AXIN1: variants seen among roughly 807,000 people sequenced by gnomAD.
AXIN1 encodes the protein axin-1.
Under a neutral mutation model 76.4 loss-of-function variants are expected in AXIN1, and 30 were observed. The ratio of observed to expected loss-of-function variants is 0.39; its 90% confidence interval spans 0.29 to 0.53. The LOEUF (loss-of-function observed/expected upper bound fraction) is 0.53, where lower values mean the gene tolerates loss of function less well. AXIN1 is among the 20% of genes least tolerant of loss of function. AXIN1 has a pLI of 0.66. For missense variants in AXIN1, 1,140 were observed against 1,198.8 expected (o/e 0.95, Z 0.72); for synonymous variants, 545 against 501.4 (o/e 1.09, Z -1.16).
In AXIN1 at chr16:287,969, C is replaced by T; in HGVS notation, c.*153G>A. 3.0e-6 allele frequency: 4 copies of T among 1,330,556 alleles called. No individual in the cohort carries two copies. Among genetic ancestry groups the T allele is most frequent in the Non-Finnish European group, 4.2e-6 (4 of 942,150 alleles). 82.4% of individuals were successfully genotyped at this position (1,330,556 alleles called of 1,614,324 possible). ...CTTGTGGACCACTTGGAGGGACCCC[C>T]TACCTGCCTCTAGACACGGGTAGAC... On this transcript the variant is annotated 3_prime_UTR_variant, in exon 11 of 11. Transcript: ENST00000262320.
At chr16:310,301 C>G (rs940710999) in intron 3 of AXIN1, among the ~76,000 whole-genome samples, 1 of 152,230 alleles carries the variant, frequency 6.6e-6, no homozygotes, top group South Asian at 2.1e-4. Flanking sequence ...CCCAGCCACG[C>G]GTCTTCCTAG....
At chr16:306,823 C>A (rs999086145) in intron 4 of AXIN1, among the ~76,000 whole-genome samples, 1 of 152,196 alleles carries the variant, frequency 6.6e-6, no homozygotes, top group African/African-American at 2.4e-5. Context: ...TGTCCCGGAG[C>A]CAAGGAGGAG....
At chr16:312,984 A>C (rs754344749) in intron 3 of AXIN1, among the ~76,000 whole-genome samples, 12 of 152,090 alleles carry the variant, frequency 7.9e-5, no homozygotes, top group Non-Finnish European at 1.8e-4. Flanking sequence ...CAGGAGTTGG[A>C]GACTGCATAG....
intron 9 of AXIN1, 196 bp downstream of exon 9, chr16:290,994 C>T (rs2052541896): frequency 4.7e-6 from 3 of 643,194 alleles, no homozygotes; most frequent in Admixed American, 2.2e-5. Flanking sequence ...GGACAGTCAG[C>T]GTCTCCTTTG....
intron 7 of AXIN1, 41 bp downstream of exon 7, chr16:297,015 A>G (rs374070289): frequency 1.3e-5 from 21 of 1,603,264 alleles, no homozygotes; most frequent in Non-Finnish European, 1.7e-5. Context: ...CAGGGGTGGC[A>G]AAGCAGGCCC....
intron 2 of AXIN1, among the ~76,000 whole-genome samples, chr16:329,670 C>CT (rs1316054020): frequency 6.6e-6 from 1 of 152,000 alleles, no homozygotes; most frequent in Non-Finnish European, 1.5e-5. Context: ...GGCTAGAGTG[C>CT]TGGAGTGCAG....
chr16:317,951 A>C (rs2053340805), intron 2 of AXIN1, among the ~76,000 whole-genome samples: 1 of 152,258 alleles, frequency 6.6e-6, no homozygotes, highest in Admixed American at 6.5e-5. Context: ...GGAAGAGAGA[A>C]GGCCACTGCC....
At position 343,100 on chromosome 16, in the gene AXIN1, G is replaced by A. The variant is rs561255862; in HGVS notation, c.878+3048C>T. Among the ~76,000 whole-genome samples the A allele has an allele frequency of 1.5e-3, 224 of 152,252 alleles. 1 individual carries two copies. Among genetic ancestry groups the A allele is most frequent in the African/African-American group, 5.0e-3 (209 of 41,532 alleles). ...CACCTCCCACAGAGAGGATTCAACC[G>A]CAGACACGACTCCCAAGCCCCAGGG... On this transcript the variant is annotated intron_variant, in intron 2 of 10. Coordinates refer to ENST00000262320, the MANE Select transcript of AXIN1 (RefSeq NM_003502.4).
chr16:321,077 G>A (rs994535024), intron 2 of AXIN1, among the ~76,000 whole-genome samples: 5 of 152,092 alleles, frequency 3.3e-5, no homozygotes, highest in Non-Finnish European at 5.9e-5. Context: ...CTGGTGTGAC[G>A]GATGCCACCC....
rs188567502 is a variant in AXIN1, at chr16:342,130, C to A, written c.878+4018G>T. Among the ~76,000 whole-genome samples, 173 of 152,322 alleles carry A rather than the reference C, an allele frequency of 1.1e-3. 1 individual carries two copies. Among genetic ancestry groups the A allele is most frequent in the East Asian group, 9.6e-3 (50 of 5,182 alleles). On this transcript the variant is annotated intron_variant, in intron 2 of 10. Transcript: ENST00000262320. ...TGGAAGCTTTGTTCTTTCTCTCTTT[C>A]CAGTAAGTCTTGCTGCTGCTCACTC...
chr16:346,104 C>G (rs770454763), intron 2 of AXIN1, 44 bp downstream of exon 2: 1 of 1,594,854 alleles, frequency 6.3e-7, no homozygotes, highest in South Asian at 1.1e-5. Flanking sequence ...TTCTCCAGCT[C>G]TCGGAGGTGA....
chr16:298,958 A>C (rs1294014159), intron 5 of AXIN1: 2 of 466,306 alleles, frequency 4.3e-6, no homozygotes, highest in Non-Finnish European at 5.6e-6. Flanking sequence ...TAGTAGAGAC[A>C]GGATTTCACT....
At chr16:314,798 T>A (rs2053262977) in intron 2 of AXIN1, 115 bp from the exon 3 acceptor site, 1 of 1,468,182 alleles carries the variant, frequency 6.8e-7, no homozygotes, top group Non-Finnish European at 9.2e-7. Context: ...CACAAGCAAT[T>A]TGGAGAAAAT....
rs112052585 is a variant in AXIN1 at position 288,399 on chromosome 16, C to T, written c.2463-151G>A. On this transcript the variant is annotated intron_variant, in intron 10 of 10. Transcript: ENST00000262320. ...ACTGCATGTGCGCCCCCTCCCAGGG[C>T]AACAGTGAACAGTGCAATGACCACA... The T allele has an allele frequency of 4.2e-4, 477 of 1,144,704 alleles. 4 individuals carry two copies. The African/African-American group carries it at 6.8e-3, about 16-fold the overall frequency. 70.9% of individuals were successfully genotyped at this position (1,144,704 alleles called of 1,614,324 possible).
rs372806831 is a variant in AXIN1 at position 289,627 on chromosome 16, G to A, written c.2295-20C>T. The A allele has an allele frequency of 2.9e-5, 47 of 1,611,908 alleles. No individual in the cohort carries two copies. Among genetic ancestry groups the A allele is most frequent in the East Asian group, 6.7e-5 (3 of 44,876 alleles). ...CTTGTCCTGGGGAAAGAGATGCAGCGGTGGTACCTGGTTTTGGACTGAGGT... is the reference window on the plus strand; with the variant it reads ...CTTGTCCTGGGGAAAGAGATGCAGCAGTGGTACCTGGTTTTGGACTGAGGT... On this transcript the variant is annotated intron_variant, in intron 9 of 10. Transcript: ENST00000262320.
At chr16:324,395 A>T (rs561020936) in intron 2 of AXIN1, among the ~76,000 whole-genome samples, 1 of 152,280 alleles carries the variant, frequency 6.6e-6, no homozygotes, top group South Asian at 2.1e-4. Flanking sequence ...GGCAGAAGCG[A>T]TATGGAAAGG....
At chr16:321,677 A>ACAGC (rs2053460689) in intron 2 of AXIN1, among the ~76,000 whole-genome samples, 1 of 151,836 alleles carries the variant, frequency 6.6e-6, no homozygotes, top group Non-Finnish European at 1.5e-5. Flanking sequence ...AAACCCTCTC[A>ACAGC]TAGCTGGGAA....
intron 3 of AXIN1, among the ~76,000 whole-genome samples, chr16:313,662 G>T (rs1351297297): frequency 2.6e-5 from 4 of 152,222 alleles, no homozygotes; most frequent in African/African-American, 9.6e-5. Context: ...ACCAGAGCTG[G>T]GAAGGTCTGA....
At chr16:341,385 C>T (rs2053916798) in intron 2 of AXIN1, among the ~76,000 whole-genome samples, 1 of 152,258 alleles carries the variant, frequency 6.6e-6, no homozygotes, top group African/African-American at 2.4e-5. Flanking sequence ...CGGCCGCGGG[C>T]AATGAGGGGC....
Sources: gnomAD v4.1 joint callset for allele counts (sites outside exome capture counted in the v4.1 genomes callset) on GRCh38, gnomAD v4.1.1 for gene constraint, MANE v1.5 for transcripts, NCBI Gene and HGNC (gene_info 2026-07-23, HGNC 2026-07-21) for gene names.